The following BABAM2 variants were observed in gnomAD, a reference collection of about 807,000 sequenced individuals.
The protein encoded by BABAM2 is BRISC and BRCA1-A complex member 2.
Under a neutral mutation model 54.7 loss-of-function variants are expected in BABAM2, and 31 were observed. The observed-to-expected ratio is 0.57, with a 90% CI of 0.43 to 0.77. BABAM2 has a LOEUF of 0.77. Among genes scored for constraint, BABAM2 ranks in the 30% least tolerant of loss-of-function variants. The pLI is 0.00. For synonymous variants in BABAM2, 167 were observed against 162.9 expected (o/e 1.03, Z -0.19); for missense variants, 364 against 455.8 (o/e 0.80, Z 1.83).
At chr2:27,997,593 A>G (rs1338079381) in intron 4 of BABAM2, among the ~76,000 whole-genome samples, 13 of 152,242 alleles carry the variant, frequency 8.5e-5, no homozygotes, top group Admixed American at 8.5e-4. Flanking sequence ...GCATACACAT[A>G]TAATTTGAAA....
chr2:28,034,788 C>G (rs574663906), intron 5 of BABAM2, among the ~76,000 whole-genome samples: 16 of 152,288 alleles, frequency 1.1e-4, no homozygotes, highest in African/African-American at 3.8e-4. Flanking sequence ...AAGAGGCTGT[C>G]TCATGGTCAT....
At chr2:28,178,710 A>T (rs192870838) in intron 7 of BABAM2, among the ~76,000 whole-genome samples, 184 of 112,482 alleles carry the variant, frequency 1.6e-3, no homozygotes, top group African/African-American at 5.7e-3. Flanking sequence ...TTTTTTTTTT[A>T]AAAAGATGAA....
At chr2:27,936,796 T>C (rs1429733031) in intron 3 of BABAM2, among the ~76,000 whole-genome samples, 4 of 151,222 alleles carry the variant, frequency 2.6e-5, no homozygotes, top group Non-Finnish European at 5.9e-5. Flanking sequence ...TGGGGACTGT[T>C]GTGGGGTAGG....
chr2:28,130,296 A>G (rs1669911578), intron 7 of BABAM2, among the ~76,000 whole-genome samples: 1 of 152,184 alleles, frequency 6.6e-6, no homozygotes, highest in Non-Finnish European at 1.5e-5. Context: ...TAATTTATAA[A>G]TCATGGACAC....
intron 10 of BABAM2, among the ~76,000 whole-genome samples, chr2:28,285,803 C>G (rs1237349394): frequency 1.3e-5 from 2 of 151,754 alleles, no homozygotes; most frequent in African/African-American, 4.8e-5. Context: ...CTCCTGGGCT[C>G]AAGCGATCCT....
At chr2:28,226,234 T>C (rs1224286651) in intron 7 of BABAM2, among the ~76,000 whole-genome samples, 1 of 152,206 alleles carries the variant, frequency 6.6e-6, no homozygotes, top group African/African-American at 2.4e-5. Flanking sequence ...GATGCAAAGA[T>C]GACAATATTT....
At chr2:28,250,562 A>T (rs1220962457) in intron 10 of BABAM2, among the ~76,000 whole-genome samples, 5 of 147,604 alleles carry the variant, frequency 3.4e-5, no homozygotes, top group African/African-American at 1.2e-4. Context: ...TCATTACTAT[A>T]AACAATCATA....
At chr2:28,201,314 A>G (rs550959490) in intron 7 of BABAM2, among the ~76,000 whole-genome samples, 1 of 152,228 alleles carries the variant, frequency 6.6e-6, no homozygotes, top group Non-Finnish European at 1.5e-5. Flanking sequence ...CTAATATCAC[A>G]TAATGATTGT....
At chr2:27,977,169 A>G (rs771619039) in intron 3 of BABAM2, among the ~76,000 whole-genome samples, 1 of 152,212 alleles carries the variant, frequency 6.6e-6, no homozygotes, top group Non-Finnish European at 1.5e-5. Context: ...GGCAGTTGAC[A>G]AGTTCCTTGA....
At chr2:28,336,726 G>A (rs919858784) in intron 11 of BABAM2, among the ~76,000 whole-genome samples, 39 of 152,246 alleles carry the variant, frequency 2.6e-4, no homozygotes, top group African/African-American at 9.4e-4. Flanking sequence ...TGGAAAGAGG[G>A]CTGCAGTTGA....
At position 28,330,031 on chromosome 2, in the gene BABAM2, T is replaced by C. The variant is rs1310141815; in HGVS notation, c.1089-8419T>C. Among the ~76,000 whole-genome samples, 4 of 152,180 alleles carry C rather than the reference T, an allele frequency of 2.6e-5. No individual in the cohort carries two copies. The East Asian group carries it at 5.8e-4, about 22-fold the overall frequency. ...CAGGATGCAAGGCTGGTTCAACATA[T>C]GCAAATCAGTAAATGTAATTCATCA... is the stretch of plus-strand genomic sequence containing the variant. On this transcript the variant is annotated intron_variant, in intron 11 of 11. Coordinates refer to ENST00000379624, the MANE Select transcript of BABAM2 (RefSeq NM_199191.3).
intron 11 of BABAM2, chr2:28,309,979 G>C (rs1326006357): frequency 2.4e-6 from 3 of 1,260,706 alleles, no homozygotes; most frequent in African/African-American, 2.9e-5. Context: ...TAGAAGTAGA[G>C]CTGTGAAGAG....
chr2:28,307,989 C>T (rs1688711569), intron 11 of BABAM2: 2 of 156,320 alleles, frequency 1.3e-5, no homozygotes, highest in Non-Finnish European at 2.8e-5. Flanking sequence ...CCCTCACACA[C>T]TTTTATGGGA....
intron 5 of BABAM2, among the ~76,000 whole-genome samples, chr2:28,043,620 G>A (rs1264590215): frequency 6.6e-6 from 1 of 152,120 alleles, no homozygotes; most frequent in Non-Finnish European, 1.5e-5. Context: ...ATGACCCCTT[G>A]TACTTAAAAA....
At chr2:28,078,854 C>T (rs1664921724) in intron 6 of BABAM2, among the ~76,000 whole-genome samples, 1 of 152,158 alleles carries the variant, frequency 6.6e-6, no homozygotes, top group Non-Finnish European at 1.5e-5. Flanking sequence ...GAAGGCATTT[C>T]TTATATCCAT....
intron 11 of BABAM2, among the ~76,000 whole-genome samples, chr2:28,318,277 C>T (rs1305363362): frequency 3.3e-5 from 5 of 152,100 alleles, no homozygotes; most frequent in Non-Finnish European, 7.3e-5. Context: ...CAAACAACAG[C>T]CTGAGGGCAA....
At chr2:27,910,806 C>T (rs1223206561) in intron 2 of BABAM2, among the ~76,000 whole-genome samples, 3 of 152,116 alleles carry the variant, frequency 2.0e-5, no homozygotes, top group African/African-American at 7.2e-5. Flanking sequence ...TAACATGCCA[C>T]GGTTTATCTA....
chr2:28,256,413 G>T lies in BABAM2; in HGVS notation c.934+11551G>T, dbSNP rs1175834892. Reference sequence around the variant, plus strand: ...AAATGCTAAATTTCAGTTAAAGGTTGTAAAAACAAAGATACACATTTATGT... The same window carrying T: ...AAATGCTAAATTTCAGTTAAAGGTTTTAAAAACAAAGATACACATTTATGT... On this transcript the variant is annotated intron_variant, in intron 10 of 11. Coordinates refer to ENST00000379624, the MANE Select transcript of BABAM2 (RefSeq NM_199191.3). Among the ~76,000 whole-genome samples the T allele has an allele frequency of 3.9e-5, 6 of 152,152 alleles. No individual in the cohort carries two copies. The South Asian group carries it at 6.2e-4, about 16-fold the overall frequency.
At chr2:28,026,935 T>TGA (rs1558667857) in intron 5 of BABAM2, among the ~76,000 whole-genome samples, 1 of 14,742 alleles carries the variant, frequency 6.8e-5, no homozygotes, top group African/African-American at 1.1e-4. Context: ...TAAATATATA[T>TGA]ATAAATATAT....
Sources: gnomAD v4.1 joint callset for allele counts (sites outside exome capture counted in the v4.1 genomes callset) on GRCh38, gnomAD v4.1.1 for gene constraint, MANE v1.5 for transcripts, NCBI Gene and HGNC (gene_info 2026-07-23, HGNC 2026-07-21) for gene names.